UPF3B: variants seen among roughly 807,000 people sequenced by gnomAD.
UPF3B encodes regulator of nonsense transcripts 3B.
A neutral mutation model predicts 40.3 loss-of-function variants in UPF3B; 7 were observed. The observed-to-expected ratio is 0.17, with a 90% CI of 0.10 to 0.33. The LOEUF (loss-of-function observed/expected upper bound fraction) is 0.33. Among genes scored for constraint, UPF3B ranks in the 10% least tolerant of loss-of-function variants. The pLI, the probability that UPF3B is intolerant of heterozygous loss-of-function variation, is 1.00. For missense variants in UPF3B, 229 were observed against 358.9 expected, an observed-to-expected ratio of 0.64 and a Z score of 2.93; for synonymous variants, 117 against 117.3, an observed-to-expected ratio of 1.00 and a Z score of 0.01.
chrX:119,805,788 A>G (rs1352999629), intron 6 of UPF3B, among the ~76,000 whole-genome samples: 1 of 100,957 alleles, frequency 9.9e-6, no homozygotes, highest in East Asian at 3.1e-4. Flanking sequence ...ATGAGATACC[A>G]TCTCACACCA....
chrX:119,811,442 C>T (rs2055827049), intron 5 of UPF3B, among the ~76,000 whole-genome samples: 1 of 109,762 alleles, frequency 9.1e-6, no homozygotes. Flanking sequence ...GTCAAGAGAT[C>T]ATAGACCATC....
rs1603369288 is a variant in UPF3B, at chrX:119,834,423, C to G, written c.*455G>C. ...GACATGCTTGTTGCTTCTACACTAC[C>G]CAATGTCAACACTTATCATCAACAA... is the stretch of plus-strand genomic sequence containing the variant. On this transcript the variant is annotated 3_prime_UTR_variant, in exon 11 of 11. Coordinates refer to ENST00000276201, the MANE Select transcript of UPF3B (RefSeq NM_080632.3). The G allele has an allele frequency of 7.4e-6, 6 of 806,804 alleles. No individual in the cohort carries two copies. Among genetic ancestry groups the G allele is most frequent in the East Asian group, 1.0e-4 (1 of 9,604 alleles). The allele number at this position is 806,804 out of a possible 1,213,427, so 66.5% of individuals were successfully genotyped here.
rs143821934 is a variant in UPF3B, at chrX:119,808,715, T to C, written c.603-1134A>G. Among the ~76,000 whole-genome samples, 58 of 108,891 alleles carry C rather than the reference T, an allele frequency of 5.3e-4. No individual in the cohort carries two copies. The East Asian group carries it at 0.016, about 31-fold the overall frequency. 94.6% of individuals were successfully genotyped at this position (108,891 alleles called of 115,157 possible). A position where few individuals can be genotyped will look rare whatever the true frequency, so the allele number is the denominator to read the frequency against. Reference sequence around the variant, plus strand: ...GGAGGTGCTGACGTGAAAACGGCCTTGAGATGGCTGGCAACAGGCTAGACA... The same window carrying C: ...GGAGGTGCTGACGTGAAAACGGCCTCGAGATGGCTGGCAACAGGCTAGACA... On this transcript the variant is annotated intron_variant, in intron 5 of 6. Coordinates refer to the UPF3B transcript ENST00000636792.
intron 3 of UPF3B, among the ~76,000 whole-genome samples, chrX:119,848,114 T>C (rs1364491496): frequency 9.3e-6 from 1 of 107,970 alleles, no homozygotes; most frequent in Non-Finnish European, 1.9e-5. Context: ...ACCCCATCTT[T>C]ACCAAAAGTA....
At chrX:119,843,090 T>C (rs1038383347) in intron 5 of UPF3B, 101 bp downstream of exon 5, 35 of 575,213 alleles carry the variant, frequency 6.1e-5, no homozygotes, top group Non-Finnish European at 1.1e-4. Flanking sequence ...TCAGAGAAAC[T>C]AGTAACTTCC....
intron 3 of UPF3B, among the ~76,000 whole-genome samples, chrX:119,825,227 C>T (rs1055075488): frequency 9.0e-5 from 10 of 111,557 alleles, no homozygotes; most frequent in Non-Finnish European, 3.8e-5. Flanking sequence ...GAAGGGAAAG[C>T]GGGCATGTCT....
intron 3 of UPF3B, among the ~76,000 whole-genome samples, chrX:119,823,529 G>A (rs974271004): frequency 9.4e-6 from 1 of 106,280 alleles, no homozygotes; most frequent in Admixed American, 1.0e-4. Context: ...GAGCCATCAC[G>A]CCTGGCCCAT....
At chrX:119,814,348 C>G (rs753791527) in intron 5 of UPF3B, among the ~76,000 whole-genome samples, 1 of 111,958 alleles carries the variant, frequency 8.9e-6, no homozygotes, top group Non-Finnish European at 1.9e-5. Context: ...TTCTTCATGC[C>G]AAGCTTAGAT....
chrX:119,833,660 C>A (rs1176268953), downstream of UPF3B, among the ~76,000 whole-genome samples: 1 of 111,900 alleles, frequency 8.9e-6, no homozygotes, highest in East Asian at 2.8e-4. Flanking sequence ...ATGCCCACCA[C>A]CACGCCCAGA....
At chrX:119,813,679 G>A (rs1603365398) in intron 5 of UPF3B, among the ~76,000 whole-genome samples, 2 of 106,725 alleles carry the variant, frequency 1.9e-5, no homozygotes, top group Admixed American at 2.1e-4. Flanking sequence ...CTCCTGCCTC[G>A]GCCTCCCGAG....
chrX:119,820,236 C>T (rs1199406183), intron 4 of UPF3B, among the ~76,000 whole-genome samples: 3 of 111,722 alleles, frequency 2.7e-5, no homozygotes, highest in Non-Finnish European at 5.6e-5. Context: ...CTCTGCCTCC[C>T]GAGTTGAAGT....
At chrX:119,830,290 G>A (rs1302840264), downstream of UPF3B, among the ~76,000 whole-genome samples, 1 of 110,872 alleles carries the variant, frequency 9.0e-6, no homozygotes, top group East Asian at 2.8e-4. Context: ...AGTGTTGTAG[G>A]TGGGGCCTGG....
chrX:119,843,115 C>G, intron 5 of UPF3B, 76 bp downstream of exon 5: 1 of 696,016 alleles, frequency 1.4e-6, no homozygotes, highest in South Asian at 2.2e-5. Context: ...AGTCACACAG[C>G]TAGCAACTGA....
downstream of UPF3B, among the ~76,000 whole-genome samples, chrX:119,829,273 G>A (rs1298964510): frequency 1.8e-5 from 2 of 111,989 alleles, no homozygotes; most frequent in Admixed American, 1.9e-4. Flanking sequence ...GCCCGCCTTG[G>A]CCTCCCAAAG....
intron 3 of UPF3B, among the ~76,000 whole-genome samples, chrX:119,827,163 C>T (rs900530669): frequency 9.0e-6 from 1 of 111,123 alleles, no homozygotes; most frequent in African/African-American, 3.3e-5. Context: ...TTAGTACCCT[C>T]TGACTTCTTT....
At chrX:119,812,532 C>T (rs779277414) in intron 5 of UPF3B, among the ~76,000 whole-genome samples, 9 of 111,684 alleles carry the variant, frequency 8.1e-5, no homozygotes, top group Non-Finnish European at 1.1e-4. Flanking sequence ...GACCATTCAG[C>T]GGCATCCAAC....
intron 8 of UPF3B, among the ~76,000 whole-genome samples, chrX:119,839,151 C>CA (rs1400169194): frequency 9.0e-6 from 1 of 111,661 alleles, no homozygotes; most frequent in Non-Finnish European, 1.9e-5. Flanking sequence ...AGCAAACCAG[C>CA]ATGTTGATAT....
intron 5 of UPF3B, among the ~76,000 whole-genome samples, chrX:119,842,147 A>G (rs1282026053): frequency 1.8e-5 from 2 of 111,833 alleles, no homozygotes; most frequent in Admixed American, 1.9e-4. Context: ...TTGACCCCAT[A>G]ATTCCACTTC....
downstream of UPF3B, among the ~76,000 whole-genome samples, chrX:119,830,496 G>A (rs1358220352): frequency 5.4e-5 from 6 of 111,095 alleles, no homozygotes. Flanking sequence ...CCTCCTAGAA[G>A]CTGAGCGATG....
Sources: gnomAD v4.1 joint callset for allele counts (sites outside exome capture counted in the v4.1 genomes callset) on GRCh38, gnomAD v4.1.1 for gene constraint, MANE v1.5 for transcripts, NCBI Gene and HGNC (gene_info 2026-07-23, HGNC 2026-07-21) for gene names.